The following NFASC variants were observed in gnomAD, a reference collection of about 807,000 sequenced individuals.
The protein encoded by NFASC is neurofascin, also known as neurofascin homolog.
Under a neutral mutation model 147.5 loss-of-function variants are expected in NFASC, and 43 were observed. That is an observed-to-expected ratio of 0.29 (90% CI 0.23 to 0.38). NFASC has a LOEUF of 0.38. Among genes scored for constraint, NFASC ranks in the 10% least tolerant of loss-of-function variants. NFASC has a pLI of 1.00. For synonymous variants in NFASC, 622 were observed against 665.5 expected, an observed-to-expected ratio of 0.93 and a Z score of 1.01; for missense variants, 1,320 against 1,689.0, an observed-to-expected ratio of 0.78 and a Z score of 3.83.
Position 204,968,965 on chromosome 1 carries a change from T to C in NFASC, c.986T>C (p.Ile329Thr). 1 of 1,613,860 alleles carries C rather than the reference T, an allele frequency of 6.2e-7. No homozygotes were observed. Among genetic ancestry groups the C allele is most frequent in the Non-Finnish European group, 8.5e-7 (1 of 1,179,894 alleles). Residue 329 changes from isoleucine (I) to threonine (T), a missense_variant, in exon 10 of 30, where the codon ATC (isoleucine) becomes ACC (threonine). Around this residue, in one of 3 missense-constraint regions of NFASC, gnomAD observed 981 missense variants for 1,289.5 expected, o/e 0.76. Transcript: ENST00000339876. The surrounding 1 kb of genome is among the most constrained non-coding windows in gnomAD (Gnocchi z 5.4). ...AAGATGGGCAGCATCCGGCACACGA[T>C]CTCGGTGAGAGTAAAGGGTACGTTG... Reference protein sequence around the residue: ...SNKMGSIRHTISVRVKAAPYW... With the variant: ...SNKMGSIRHTTSVRVKAAPYW...
chr1:204,896,576 T>C (rs1403195128), intron 1 of NFASC, among the ~76,000 whole-genome samples: 1 of 152,188 alleles, frequency 6.6e-6, no homozygotes, highest in Non-Finnish European at 1.5e-5. Context: ...ATGTGTGTTG[T>C]ACACTCAGGA....
intron 10 of NFASC, 139 bp from the exon 11 acceptor site, chr1:204,970,477 A>G: frequency 2.2e-6 from 2 of 896,634 alleles, no homozygotes; most frequent in Non-Finnish European, 3.5e-6. Flanking sequence ...TATCCCTGTG[A>G]GGATGAGCCC....
chr1:204,931,443 G>A (rs2092356014), intron 2 of NFASC, among the ~76,000 whole-genome samples: 1 of 152,138 alleles, frequency 6.6e-6, no homozygotes, highest in African/African-American at 2.4e-5. Context: ...GTTTTGCATT[G>A]GCTCTGTTGG....
In NFASC at chr1:204,944,457, G is replaced by A. The variant is rs754743200; in HGVS notation, c.91+51G>A. On this transcript the variant is annotated intron_variant, in intron 3 of 29. Coordinates refer to ENST00000339876, the MANE Select transcript of NFASC (RefSeq NM_001005388.3). ...TTTTTTTTCCTGATTTTGGGCAGAG[G>A]GGTGGGAGGGGAGGGAAGGTCAGAG... The A allele has an allele frequency of 2.5e-6, 3 of 1,179,138 alleles. No homozygotes were observed. In the African/African-American group the frequency reaches 4.6e-5, roughly 18 times the overall value. 73.0% of individuals were successfully genotyped at this position (1,179,138 alleles called of 1,614,324 possible).
intron 1 of NFASC, among the ~76,000 whole-genome samples, chr1:204,878,143 T>G (rs61426166): frequency 0.014 from 2,161 of 152,326 alleles, 44 homozygotes; most frequent in African/African-American, 0.049. Context: ...GAAAAAAGAC[T>G]AAATTTTATC....
intron 1 of NFASC, among the ~76,000 whole-genome samples, chr1:204,836,607 G>A (rs1351917473): frequency 6.6e-6 from 1 of 152,198 alleles, no homozygotes; most frequent in Non-Finnish European, 1.5e-5. Context: ...ACCTATATAA[G>A]ATAAATTTAT....
chr1:204,944,609 A>G, intron 3 of NFASC: 1 of 560,570 alleles, frequency 1.8e-6, no homozygotes, highest in Non-Finnish European at 3.1e-6. Flanking sequence ...TATGTTGCAG[A>G]GCCAGTTTCT....
intron 3 of NFASC, among the ~76,000 whole-genome samples, chr1:204,949,882 T>C (rs1236308924): frequency 6.6e-6 from 1 of 152,252 alleles, no homozygotes; most frequent in Non-Finnish European, 1.5e-5. Context: ...CCTCCTTACC[T>C]TCTTTGTGAA....
intron 1 of NFASC, among the ~76,000 whole-genome samples, chr1:204,834,168 C>T (rs969624972): frequency 6.6e-6 from 1 of 152,026 alleles, no homozygotes; most frequent in African/African-American, 2.4e-5. Flanking sequence ...CTCCCCCACC[C>T]TCCCCCCACC....
At chr1:204,929,922 T>C (rs539498163) in intron 2 of NFASC, among the ~76,000 whole-genome samples, 13 of 152,310 alleles carry the variant, frequency 8.5e-5, no homozygotes, top group African/African-American at 3.1e-4. Flanking sequence ...GGAACACGGC[T>C]GGGTCACCAT....
intron 12 of NFASC, 151 bp downstream of exon 12, chr1:204,973,570 A>T: frequency 2.1e-6 from 2 of 969,028 alleles, no homozygotes; most frequent in Non-Finnish European, 3.0e-6. Flanking sequence ...AAACATGGAG[A>T]TGGGAAAAAA....
intron 1 of NFASC, among the ~76,000 whole-genome samples, chr1:204,881,402 G>A (rs866221508): frequency 6.6e-6 from 1 of 152,166 alleles, no homozygotes. Context: ...AAAAGTAATG[G>A]CAAAAATTGC....
At chr1:204,958,044 C>A (rs1488354532) in intron 8 of NFASC, among the ~76,000 whole-genome samples, 1 of 152,168 alleles carries the variant, frequency 6.6e-6, no homozygotes, top group Non-Finnish European at 1.5e-5. Flanking sequence ...TAAGTCAATC[C>A]TCCTCAAATT....
intron 1 of NFASC, among the ~76,000 whole-genome samples, chr1:204,899,290 C>T (rs2084037835): frequency 6.6e-6 from 1 of 152,192 alleles, no homozygotes; most frequent in South Asian, 2.1e-4. Context: ...AATTAGAAGC[C>T]AGTGGAAACA....
chr1:204,957,927 T>C, intron 8 of NFASC, 101 bp downstream of exon 8: 1 of 1,088,302 alleles, frequency 9.2e-7, no homozygotes, highest in South Asian at 1.4e-5. Context: ...GACTTGTCCT[T>C]GAGGCTGACC....
chr1:204,868,489 C>T (rs546273344), intron 1 of NFASC, among the ~76,000 whole-genome samples: 9 of 152,278 alleles, frequency 5.9e-5, no homozygotes, highest in Admixed American at 1.3e-4. Flanking sequence ...GTGAATGTGA[C>T]CCACATTCAG....
intron 8 of NFASC, chr1:204,967,971 T>TCATTAAAAAAGTA: frequency 2.9e-6 from 1 of 341,838 alleles, no homozygotes; most frequent in Non-Finnish European, 5.5e-6. Flanking sequence ...CCCTCCCCGT[T>TCATTAAAAAAGTA]CCAGGGAAGG....
In NFASC at chr1:204,983,947, T is replaced by C. The variant is rs545729563; in HGVS notation, c.2470+1927T>C. ...TGCCCAGTGTTGAGTGGAGTGCAGG[T>C]ACAGGCCAGCAGAGAACAAGTCAGA... On this transcript the variant is annotated intron_variant, in intron 21 of 29. Transcript: ENST00000339876. The C allele has an allele frequency of 1.5e-4, 137 of 919,634 alleles. No individual in the cohort carries two copies. The South Asian group carries it at 1.9e-3, about 13-fold the overall frequency. 57.0% of individuals were successfully genotyped at this position (919,634 alleles called of 1,614,324 possible).
intron 1 of NFASC, among the ~76,000 whole-genome samples, chr1:204,845,971 A>G (rs1676926216): frequency 6.6e-6 from 1 of 152,256 alleles, no homozygotes; most frequent in East Asian, 1.9e-4. Flanking sequence ...GAAATGGACA[A>G]TCCAGTTATC....
Sources: allele counts gnomAD v4.1 joint callset (sites outside exome capture counted in the v4.1 genomes callset), GRCh38; gene constraint gnomAD v4.1.1; regional missense constraint gnomAD v4.1.1; non-coding constraint Gnocchi (gnomAD v3.1); transcripts MANE v1.5; gene names NCBI Gene and HGNC (gene_info 2026-07-23, HGNC 2026-07-21).